CLASP1: variants seen among roughly 807,000 people sequenced by gnomAD.
CLASP1 encodes the protein cytoplasmic linker associated protein 1, also known as CLIP-associating protein 1.
In CLASP1, 38 loss-of-function variants were observed where a neutral mutation model predicts 192.3. That is an observed-to-expected ratio of 0.20 (90% CI 0.15 to 0.26). CLASP1 has a LOEUF of 0.26. Among genes scored for constraint, CLASP1 ranks in the 10% least tolerant of loss-of-function variants. The pLI, the probability that CLASP1 is intolerant of heterozygous loss-of-function variation, is 1.00. For synonymous variants in CLASP1, 691 were observed against 712.8 expected, an observed-to-expected ratio of 0.97 and a Z score of 0.49; for missense variants, 1,433 against 1,932.5, an observed-to-expected ratio of 0.74 and a Z score of 4.85.
chr2:121,364,412 A>G (rs1331571395), intron 36 of CLASP1: 3 of 152,632 alleles, frequency 2.0e-5, no homozygotes, highest in Non-Finnish European at 2.9e-5. Context: ...GTTTCCATAT[A>G]AGGGACCAGC....
intron 8 of CLASP1, among the ~76,000 whole-genome samples, chr2:121,478,299 C>A (rs1438839472): frequency 1.3e-5 from 2 of 151,992 alleles, no homozygotes; most frequent in African/African-American, 4.8e-5. Context: ...ACTCCCGCAA[C>A]CTGATAAAGA....
At chr2:121,404,105 T>C (rs2076549844) in intron 26 of CLASP1, among the ~76,000 whole-genome samples, 1 of 152,174 alleles carries the variant, frequency 6.6e-6, no homozygotes, top group African/African-American at 2.4e-5. Flanking sequence ...ACAAAAATAT[T>C]TGCTGAATAT....
intron 2 of CLASP1, among the ~76,000 whole-genome samples, chr2:121,556,345 C>A (rs1559603391): frequency 6.6e-6 from 1 of 152,020 alleles, no homozygotes; most frequent in Non-Finnish European, 1.5e-5. Flanking sequence ...CAACACCATC[C>A]AAGGGCTCCC....
chr2:121,470,147 G>A (rs992243247), intron 8 of CLASP1, 187 bp from the exon 9 acceptor site: 1 of 659,758 alleles, frequency 1.5e-6, no homozygotes, highest in Admixed American at 2.2e-5. Context: ...AAGCTACAAA[G>A]ATCATACTTG....
At chr2:121,454,538 T>C (rs1236997031) in intron 14 of CLASP1, among the ~76,000 whole-genome samples, 1 of 152,160 alleles carries the variant, frequency 6.6e-6, no homozygotes, top group African/African-American at 2.4e-5. Context: ...ACACTAATGA[T>C]AGCAGATGAG....
chr2:121,611,004 G>A (rs1290255494), intron 1 of CLASP1, among the ~76,000 whole-genome samples: 1 of 141,766 alleles, frequency 7.1e-6, no homozygotes, highest in Non-Finnish European at 1.5e-5. Flanking sequence ...AGGAGGAGTT[G>A]GAGGAGTTAC....
At chr2:121,624,450 C>T (rs935001955) in intron 1 of CLASP1, among the ~76,000 whole-genome samples, 3 of 152,124 alleles carry the variant, frequency 2.0e-5, no homozygotes, top group Admixed American at 1.3e-4. Context: ...CACTCTGCCA[C>T]CCAGGCTGGA....
chr2:121,397,258 A>G (rs778452107), exon 30 of CLASP1: 2 of 1,613,878 alleles, frequency 1.2e-6, no homozygotes, highest in South Asian at 1.1e-5. Context: ...CAGAGACTCA[A>G]TGTATTTCAG....
At chr2:121,585,998 T>C (rs1310716651) in intron 2 of CLASP1, among the ~76,000 whole-genome samples, 1 of 152,166 alleles carries the variant, frequency 6.6e-6, no homozygotes, top group African/African-American at 2.4e-5. Flanking sequence ...TGGCTTCCCA[T>C]TCTGCCACAC....
chr2:121,503,339 C>T (rs949341711), intron 7 of CLASP1, 105 bp from the exon 8 acceptor site: 1 of 682,702 alleles, frequency 1.5e-6, no homozygotes, highest in African/African-American at 1.8e-5. Flanking sequence ...TCAAAAAAAA[C>T]AATGGTACAG....
chr2:121,527,739 A>T lies in CLASP1; in HGVS notation c.470+60T>A. On this transcript the variant is annotated intron_variant, in intron 5 of 39. Transcript: ENST00000263710. ...CTTCCTGTAAATCTATAATTATTTC[A>T]AAATAAAAAGTTTTAAAAAATTCAG... The T allele has an allele frequency of 2.3e-6, 3 of 1,297,774 alleles. No homozygotes were observed. In the South Asian group the frequency reaches 3.8e-5, roughly 16 times the overall value. The allele number at this position is 1,297,774 out of a possible 1,614,324, so 80.4% of individuals were successfully genotyped here.
intron 19 of CLASP1, among the ~76,000 whole-genome samples, chr2:121,430,692 GAATA>G (rs1290123385): frequency 5.9e-5 from 9 of 152,038 alleles, no homozygotes; most frequent in Non-Finnish European, 1.2e-4. Flanking sequence ...GCTCCCCAGT[GAATA>G]AATGTGTTTT....
Position 121,385,846 on chromosome 2 carries a change from A to T in CLASP1, c.3374+1276T>A, listed in dbSNP as rs574499457. ...ATTTTACTGTCACCACTGTACCATCATATTCAAAAGTCAAGCATATTTTCA... is the reference window on the plus strand; with the variant it reads ...ATTTTACTGTCACCACTGTACCATCTTATTCAAAAGTCAAGCATATTTTCA... On this transcript the variant is annotated intron_variant, in intron 32 of 39. Coordinates refer to ENST00000263710, the Ensembl canonical transcript of CLASP1. Among the ~76,000 whole-genome samples, 8 of 152,376 alleles carry T rather than the reference A, an allele frequency of 5.3e-5. No homozygotes were observed. The East Asian group carries it at 1.5e-3, about 29-fold the overall frequency.
At chr2:121,420,508 C>T (rs1291227158) in intron 22 of CLASP1, among the ~76,000 whole-genome samples, 1 of 152,150 alleles carries the variant, frequency 6.6e-6, no homozygotes, top group African/African-American at 2.4e-5. Context: ...CTGGTCCAGC[C>T]ACTTGGCCTC....
chr2:121,423,002 T>C (rs961263623), intron 22 of CLASP1, among the ~76,000 whole-genome samples: 2 of 152,136 alleles, frequency 1.3e-5, no homozygotes, highest in African/African-American at 4.8e-5. Flanking sequence ...ATATATCCAG[T>C]ATATACTAAA....
intron 37 of CLASP1, among the ~76,000 whole-genome samples, chr2:121,356,434 A>C (rs1349561278): frequency 6.6e-6 from 1 of 152,212 alleles, no homozygotes; most frequent in Non-Finnish European, 1.5e-5. Flanking sequence ...TCACTTAGCT[A>C]GGCTCAGTAC....
chr2:121,646,537 T>C (rs1482791758), intron 1 of CLASP1, among the ~76,000 whole-genome samples: 4 of 152,238 alleles, frequency 2.6e-5, no homozygotes, highest in African/African-American at 4.8e-5. Context: ...AGTAACTCAG[T>C]TGAATCTAAC....
intron 5 of CLASP1, 126 bp from the exon 6 acceptor site, chr2:121,526,046 T>G: frequency 1.5e-6 from 1 of 676,688 alleles, no homozygotes; most frequent in Non-Finnish European, 2.6e-6. Context: ...CAAGTCTCTC[T>G]CCATCCCATC....
At chr2:121,586,646 A>T (rs941636767) in intron 2 of CLASP1, among the ~76,000 whole-genome samples, 8 of 146,432 alleles carry the variant, frequency 5.5e-5, no homozygotes, top group Admixed American at 6.8e-5. Flanking sequence ...ATTTAAAAAT[A>T]AAAAAAAAAA....
Sources: allele counts gnomAD v4.1 joint callset (sites outside exome capture counted in the v4.1 genomes callset), GRCh38; gene constraint gnomAD v4.1.1; transcripts MANE v1.5; gene names NCBI Gene and HGNC (gene_info 2026-07-23, HGNC 2026-07-21).